Variants in ALPL observed in about 807,000 individuals in gnomAD.
The protein encoded by ALPL is alkaline phosphatase, tissue-nonspecific isozyme.
A neutral mutation model predicts 51.3 loss-of-function variants in ALPL; 42 were observed. The observed-to-expected ratio is 0.82, with a 90% CI of 0.64 to 1.06. The LOEUF (loss-of-function observed/expected upper bound fraction) is 1.06. Among genes scored for constraint, ALPL ranks in the 50% least tolerant of loss-of-function variants. The pLI, the probability that ALPL is intolerant of heterozygous loss-of-function variation, is 0.00. For synonymous variants in ALPL, 279 were observed against 296.4 expected, an observed-to-expected ratio of 0.94 and a Z score of 0.60; for missense variants, 589 against 709.4, an observed-to-expected ratio of 0.83 and a Z score of 1.93.
chr1:21,549,009 T>G (rs760687835), intron 1 of ALPL, among the ~76,000 whole-genome samples: 2 of 152,192 alleles, frequency 1.3e-5, no homozygotes, highest in Non-Finnish European at 2.9e-5. Context: ...CCACCACTCC[T>G]TACTAATTCA....
intron 4 of ALPL, among the ~76,000 whole-genome samples, chr1:21,562,062 G>A (rs1012497492): frequency 5.9e-5 from 9 of 152,140 alleles, no homozygotes; most frequent in Non-Finnish European, 8.8e-5. Flanking sequence ...GCTATACTTC[G>A]GGTTTGGTTC....
chr1:21,551,900 T>C (rs2148130084), intron 1 of ALPL, among the ~76,000 whole-genome samples: 2 of 151,544 alleles, frequency 1.3e-5, no homozygotes, highest in South Asian at 4.2e-4. Flanking sequence ...TAATTTTTTG[T>C]ATTTTTAGTA....
chr1:21,522,249 AT>A (rs557372348), intron 1 of ALPL, among the ~76,000 whole-genome samples: 139 of 151,952 alleles, frequency 9.1e-4, no homozygotes, highest in South Asian at 1.7e-3. Flanking sequence ...TTTTTGTTGT[AT>A]TTTTTAGTAG....
At chr1:21,529,607 T>C (rs1644001600) in intron 1 of ALPL, among the ~76,000 whole-genome samples, 1 of 152,216 alleles carries the variant, frequency 6.6e-6, no homozygotes, top group African/African-American at 2.4e-5. Flanking sequence ...AGCAGCTGGA[T>C]ACACTCTGTA....
intron 1 of ALPL, among the ~76,000 whole-genome samples, chr1:21,538,558 A>T (rs1319042916): frequency 6.6e-6 from 1 of 152,026 alleles, no homozygotes; most frequent in Non-Finnish European, 1.5e-5. Flanking sequence ...CTTTTCCCAC[A>T]GCCCGGCGCC....
chr1:21,535,469 G>A (rs1282574527), intron 1 of ALPL, among the ~76,000 whole-genome samples: 2 of 152,158 alleles, frequency 1.3e-5, no homozygotes, highest in African/African-American at 4.8e-5. Context: ...ATCACCAGCC[G>A]AACGTGGTGC....
At chr1:21,523,605 G>A (rs973874841) in intron 1 of ALPL, among the ~76,000 whole-genome samples, 1 of 152,164 alleles carries the variant, frequency 6.6e-6, no homozygotes, top group African/African-American at 2.4e-5. Context: ...GGCCCAGACC[G>A]GTATTCAGGA....
At chr1:21,528,942 C>T (rs1456350378) in intron 1 of ALPL, among the ~76,000 whole-genome samples, 2 of 151,316 alleles carry the variant, frequency 1.3e-5, no homozygotes, top group Admixed American at 6.6e-5. Context: ...TGGTGGTGGG[C>T]GCCTGTAATC....
At chr1:21,539,575 G>C (rs969961214) in intron 1 of ALPL, among the ~76,000 whole-genome samples, 1 of 152,032 alleles carries the variant, frequency 6.6e-6, no homozygotes, top group Non-Finnish European at 1.5e-5. Context: ...CTGGTTAGTG[G>C]GGAGACCTAT....
At position 21,564,068 on chromosome 1, in the gene ALPL, C is replaced by T. The variant is rs1408325840; in HGVS notation, c.500C>T (p.Thr167Met). Reference sequence around the variant, plus strand: ...AAATCTGTGGGCATTGTGACCACCACGAGAGTGAACCATGCCACCCCCAGC... The same window carrying T: ...AAATCTGTGGGCATTGTGACCACCATGAGAGTGAACCATGCCACCCCCAGC... Reference protein sequence around the residue: ...AGKSVGIVTTTRVNHATPSAA... With the variant: ...AGKSVGIVTTMRVNHATPSAA... The change falls in exon 6 of 12, where the codon ACG becomes ATG. Residue 167 changes from threonine to methionine, a missense_variant. Coordinates refer to ENST00000374840, the MANE Select transcript of ALPL (RefSeq NM_000478.6). The surrounding 1 kb of genome is among the most constrained non-coding windows in gnomAD (Gnocchi z 5.8). 5.0e-6 allele frequency: 8 copies of T among 1,614,028 alleles called. No homozygotes were observed. Among genetic ancestry groups the T allele is most frequent in the South Asian group, 1.1e-5 (1 of 91,088 alleles).
chr1:21,575,213 C>T lies in ALPL; in HGVS notation c.998-520C>T, dbSNP rs997406184. Among the ~76,000 whole-genome samples the T allele has an allele frequency of 2.6e-5, 4 of 152,342 alleles. No individual in the cohort carries two copies. The South Asian group carries it at 8.3e-4, about 32-fold the overall frequency. On this transcript the variant is annotated intron_variant, in intron 9 of 11. Coordinates refer to ENST00000374840, the MANE Select transcript of ALPL (RefSeq NM_000478.6). ...AAAACGGGGTTAGGACGAGTCACAC[C>T]TGAATTCACATCCTGGCAAATCCCA...
At position 21,577,780 on chromosome 1, in the gene ALPL, C is replaced by A; in HGVS notation, c.*132C>A. 8.3e-7 allele frequency: 1 copy of A among 1,203,474 alleles called. No homozygotes were observed. Among genetic ancestry groups the A allele is most frequent in the Non-Finnish European group, 1.1e-6 (1 of 876,544 alleles). The allele number at this position is 1,203,474 out of a possible 1,614,324, so 74.5% of individuals were successfully genotyped here. ...CTGCAAGAAAGGGGACCCAAGAAAC[C>A]AAAGTCTGCCGCCCACCTCGCTCCC... On this transcript the variant is annotated 3_prime_UTR_variant, in exon 12 of 12. Coordinates refer to ENST00000374840, the MANE Select transcript of ALPL (RefSeq NM_000478.6).
chr1:21,531,275 G>T (rs1295337491), intron 1 of ALPL, among the ~76,000 whole-genome samples: 11 of 151,906 alleles, frequency 7.2e-5, no homozygotes, highest in African/African-American at 2.7e-4. Context: ...TGATTTTTTT[G>T]TAAGAGACAG....
intron 10 of ALPL, among the ~76,000 whole-genome samples, chr1:21,576,265 GGATGGGTGGATGGA>G (rs1358218205): frequency 3.2e-3 from 93 of 28,752 alleles, no homozygotes; most frequent in Non-Finnish European, 5.7e-3. Flanking sequence ...ATGGATGGAT[GGATGGGTGGATGGA>G]TGGATGGGTG....
intron 1 of ALPL, among the ~76,000 whole-genome samples, chr1:21,528,403 A>G (rs1354794688): frequency 7.1e-6 from 1 of 139,956 alleles, no homozygotes; most frequent in African/African-American, 2.7e-5. Context: ...GCTGGAGTGC[A>G]GTGGTGTGAT....
At chr1:21,541,542 C>T (rs1468967291) in intron 1 of ALPL, among the ~76,000 whole-genome samples, 8 of 152,264 alleles carry the variant, frequency 5.3e-5, no homozygotes, top group East Asian at 1.9e-4. Flanking sequence ...CTGCCAGCCA[C>T]GGGGCTGCTG....
chr1:21,528,065 G>A (rs1441075006), intron 1 of ALPL, among the ~76,000 whole-genome samples: 1 of 151,250 alleles, frequency 6.6e-6, no homozygotes, highest in Non-Finnish European at 1.5e-5. Context: ...CTGTCACCCA[G>A]GCTGGAGTGT....
At chr1:21,572,268 GGCT>G (rs1432201098) in intron 8 of ALPL, among the ~76,000 whole-genome samples, 2 of 152,208 alleles carry the variant, frequency 1.3e-5, no homozygotes, top group Non-Finnish European at 2.9e-5. Context: ...GTCATCTGAA[GGCT>G]TGACTGGGGC....
intron 9 of ALPL, chr1:21,574,028 G>C (rs1028025418): frequency 2.0e-6 from 2 of 985,466 alleles, no homozygotes; most frequent in Non-Finnish European, 2.4e-6. Context: ...ATCCAGGAAG[G>C]CTTCCTGGGA....
Sources: gnomAD v4.1 joint callset for allele counts (sites outside exome capture counted in the v4.1 genomes callset) on GRCh38, gnomAD v4.1.1 for gene constraint, Gnocchi (gnomAD v3.1) non-coding constraint, MANE v1.5 for transcripts, NCBI Gene and HGNC (gene_info 2026-07-23, HGNC 2026-07-21) for gene names.